SPDYE12: variants seen among roughly 807,000 people sequenced by gnomAD.
SPDYE12 encodes speedy/RINGO cell cycle regulator family member E12.
the SPDYE12 span, among the ~76,000 whole-genome samples, chr7:74,912,371 G>A: frequency 3.5e-5 from 1 of 28,882 alleles, no homozygotes; most frequent in Non-Finnish European, 6.6e-5. Flanking sequence ...ATCCTTCCCT[G>A]GTCCCTGGCT....
At chr7:74,909,406 G>C in the SPDYE12 span, 1 of 1,312,848 alleles carries the variant, frequency 7.6e-7, no homozygotes, top group East Asian at 2.3e-5. Context: ...TGTCTTTTTT[G>C]TACACAGAGT....
the SPDYE12 span, among the ~76,000 whole-genome samples, chr7:74,904,920 A>G: frequency 6.7e-6 from 1 of 148,624 alleles, no homozygotes; most frequent in African/African-American, 2.5e-5. Flanking sequence ...GTTAGTATAT[A>G]TATCTGAGAC....
chr7:74,910,762 G>C, the SPDYE12 span: 7 of 1,436,902 alleles, frequency 4.9e-6, no homozygotes, highest in Non-Finnish European at 3.9e-6. Context: ...AGGGAGAACT[G>C]TGGGTTTGGA....
chr7:74,914,929 A>T, the SPDYE12 span, among the ~76,000 whole-genome samples: 1 of 94,346 alleles, frequency 1.1e-5, no homozygotes, highest in African/African-American at 3.0e-5. Context: ...ATCTCAAAAA[A>T]AAAAAACAAA....
At chr7:74,909,783 G>A in the SPDYE12 span, among the ~76,000 whole-genome samples, 1 of 150,890 alleles carries the variant, frequency 6.6e-6, no homozygotes. Flanking sequence ...AAGGTCGGAT[G>A]CAAATCCGAG....
At chr7:74,908,603 C>T in the SPDYE12 span, among the ~76,000 whole-genome samples, 1 of 143,948 alleles carries the variant, frequency 6.9e-6, no homozygotes, top group Non-Finnish European at 1.5e-5. Context: ...CATGTCCGCT[C>T]CTCCGCTCCT....
chr7:74,910,700 A>T, the SPDYE12 span: 2 of 1,313,098 alleles, frequency 1.5e-6, no homozygotes, highest in Admixed American at 1.8e-5. Flanking sequence ...CAAAACAAAA[A>T]CAAAAACAAA....
chr7:74,907,485 G>A, the SPDYE12 span, among the ~76,000 whole-genome samples: 199 of 151,236 alleles, frequency 1.3e-3, 1 homozygote, highest in African/African-American at 4.5e-3. Context: ...TAATCCCAGC[G>A]CTTTGGAAGG....
At chr7:74,910,022 T>C in the SPDYE12 span, among the ~76,000 whole-genome samples, 2 of 150,780 alleles carry the variant, frequency 1.3e-5, 1 homozygote, top group Non-Finnish European at 3.0e-5. Context: ...GGGCCACTCA[T>C]TCACTCTGCA....
At chr7:74,914,936 C>CAA in the SPDYE12 span, among the ~76,000 whole-genome samples, 12 of 94,622 alleles carry the variant, frequency 1.3e-4, no homozygotes, top group African/African-American at 2.8e-4. Context: ...AAAAAAAAAA[C>CAA]AAAAAAAAAA....
At chr7:74,909,347 C>T in the SPDYE12 span, among the ~76,000 whole-genome samples, 28 of 151,540 alleles carry the variant, frequency 1.8e-4, no homozygotes, top group Admixed American at 1.8e-3. Flanking sequence ...AGCCACCATG[C>T]ACAGCCTGAG....
At chr7:74,904,709 A>G in the SPDYE12 span, among the ~76,000 whole-genome samples, 2 of 151,072 alleles carry the variant, frequency 1.3e-5, no homozygotes, top group African/African-American at 4.8e-5. Context: ...TATAACACCC[A>G]TCACACAGCT....
chr7:74,908,044 A>G, the SPDYE12 span, among the ~76,000 whole-genome samples: 1 of 150,918 alleles, frequency 6.6e-6, no homozygotes, highest in Non-Finnish European at 1.5e-5. Context: ...ACGTTATAAT[A>G]GGATGTAACT....
chr7:74,909,032 GGTTTTTTTTTTTTTTTTTGGCT>G, the SPDYE12 span, among the ~76,000 whole-genome samples: 6 of 30,364 alleles, frequency 2.0e-4, 1 homozygote, highest in Admixed American at 6.4e-4. Context: ...TTTTTTGCCT[GGTTTTTTTTTTTTTTTTTGGCT>G]TTTTTTTTTT....
At chr7:74,908,966 C>A in the SPDYE12 span, among the ~76,000 whole-genome samples, 2 of 148,890 alleles carry the variant, frequency 1.3e-5, no homozygotes, top group Non-Finnish European at 3.0e-5. Flanking sequence ...CAGGCGTGAG[C>A]CACCGCACCT....
the SPDYE12 span, among the ~76,000 whole-genome samples, chr7:74,904,737 A>G: frequency 6.6e-6 from 1 of 150,806 alleles, no homozygotes; most frequent in Non-Finnish European, 1.5e-5. Context: ...AACAGCATCT[A>G]TTCAAAAATA....
At chr7:74,909,107 G>C in the SPDYE12 span, among the ~76,000 whole-genome samples, 2 of 134,968 alleles carry the variant, frequency 1.5e-5, no homozygotes, top group Non-Finnish European at 1.5e-5. Context: ...AGGCTGGAGT[G>C]CAGTGGCTCA....
At chr7:74,910,820 A>G in the SPDYE12 span, 7 of 1,088,690 alleles carry the variant, frequency 6.4e-6, no homozygotes, top group South Asian at 2.5e-5. Flanking sequence ...ACACAGTTAC[A>G]TAGAGAACAA....
chr7:74,908,661 C>CTTTTTTTTTTTTTTTTT, the SPDYE12 span, among the ~76,000 whole-genome samples: 36 of 58,602 alleles, frequency 6.1e-4, 1 homozygote, highest in Non-Finnish European at 7.5e-4. Context: ...GTTTTTTGTT[C>CTTTTTTTTTTTTTTTTT]TTTTTTTTTT....
Sources: allele counts gnomAD v4.1 joint callset (sites outside exome capture counted in the v4.1 genomes callset), GRCh38; gene constraint gnomAD v4.1.1; transcripts MANE v1.5; gene names NCBI Gene and HGNC (gene_info 2026-07-23, HGNC 2026-07-21).